ESR2: variants seen among roughly 807,000 people sequenced by gnomAD.
ESR2 encodes the protein estrogen receptor 2, also known as estrogen receptor beta.
In ESR2, 36 loss-of-function variants were observed where a neutral mutation model predicts 49.6. The ratio of observed to expected loss-of-function variants is 0.73; its 90% CI spans 0.56 to 0.96. ESR2 has a LOEUF of 0.96. ESR2 is among the 40% of genes least tolerant of loss of function. The pLI, the probability that ESR2 is intolerant of heterozygous loss-of-function variation, is 0.00. For synonymous variants in ESR2, 320 were observed against 266.1 expected (o/e 1.20, Z -1.97); for missense variants, 714 against 693.0 (o/e 1.03, Z -0.34).
chr14:64,253,560 TTGTGTGTGTG>T (rs752711685), intron 6 of ESR2, among the ~76,000 whole-genome samples: 5,097 of 136,622 alleles, frequency 0.037, 117 homozygotes, highest in Non-Finnish European at 0.049. Context: ...GGTACACTAT[TTGTGTGTGTG>T]TGTGTGTGTG....
intron 1 of ESR2, among the ~76,000 whole-genome samples, chr14:64,331,562 C>G (rs2077458856): frequency 1.3e-5 from 2 of 152,138 alleles, no homozygotes; most frequent in Non-Finnish European, 2.9e-5. Flanking sequence ...CCCAGTGGCT[C>G]ACGCTGGTAA....
In ESR2 at chr14:64,239,814, A is replaced by C. The variant is rs573806098; in HGVS notation, c.1226-4664T>G. Among the ~76,000 whole-genome samples the C allele has an allele frequency of 3.3e-5, 5 of 152,362 alleles. No homozygotes were observed. The East Asian group carries it at 5.8e-4, about 18-fold the overall frequency. ...CAAGTACCACACAACCTATATATGC[A>C]TAGTGGAAGAGGATTGGCTGAGAGA... On this transcript the variant is annotated intron_variant, in intron 7 of 8. Transcript: ENST00000341099.
intron 7 of ESR2, among the ~76,000 whole-genome samples, chr14:64,239,292 A>G (rs1342670339): frequency 1.3e-5 from 2 of 152,170 alleles, no homozygotes; most frequent in Non-Finnish European, 2.9e-5. Context: ...CCTCATCAGC[A>G]TCCATCTATG....
At chr14:64,259,266 AG>A (rs1334063694) in intron 5 of ESR2, among the ~76,000 whole-genome samples, 3 of 152,224 alleles carry the variant, frequency 2.0e-5, no homozygotes, top group Non-Finnish European at 2.9e-5. Context: ...GGCCAACAAA[AG>A]TCCCCAAATG....
chr14:64,255,539 T>G (rs568605142), intron 6 of ESR2, among the ~76,000 whole-genome samples: 1 of 152,256 alleles, frequency 6.6e-6, no homozygotes, highest in Admixed American at 6.5e-5. Context: ...TAGAATAAAG[T>G]AGAGAGTTAG....
At position 64,268,871 on chromosome 14, in the gene ESR2, T is replaced by C; in HGVS notation, c.576A>G (p.Thr192=). 1 of 1,613,524 alleles carries C rather than the reference T, an allele frequency of 6.2e-7. No homozygotes were observed. Among genetic ancestry groups the C allele is most frequent in the Non-Finnish European group, 8.5e-7 (1 of 1,179,376 alleles). Residue 192 remains threonine, a synonymous_variant, in exon 4 of 9, where the codon ACA becomes ACG. Transcript: ENST00000341099. ...DYICPATNQC[T]IDKNRRKSCQ... ...AGCTCTTGCGCCGGTTTTTATCGAT[T>C]GTACACTGATTTGTAGCTGGACAAA...
rs931345777 is a variant in ESR2 at position 64,228,375 on chromosome 14, G to A, written c.*4762C>T. 6.6e-6 allele frequency among the ~76,000 whole-genome samples: 1 copy of A among 152,178 alleles called. No homozygotes were observed. Among genetic ancestry groups the A allele is most frequent in the African/African-American group, 2.4e-5 (1 of 41,440 alleles). The stretch of plus-strand genomic sequence containing the variant: ...ATATCATGTTAAACTCTCTACGACA[G>A]TGCCATAGACATTAAAGGGACACAG... On this transcript the variant is annotated 3_prime_UTR_variant, in exon 9 of 9. Coordinates refer to ENST00000341099, the MANE Select transcript of ESR2 (RefSeq NM_001437.3).
chr14:64,332,359 G>T (rs1200740748), intron 1 of ESR2: 1 of 152,142 alleles, frequency 6.6e-6, no homozygotes, highest in Non-Finnish European at 1.5e-5. Context: ...GTATCAATTG[G>T]TCTAACGTAC....
In ESR2 at chr14:64,262,504, G is replaced by C. The variant is rs1192166874; in HGVS notation, c.653-1756C>G. Among the ~76,000 whole-genome samples the C allele has an allele frequency of 2.0e-5, 3 of 152,132 alleles. No individual in the cohort carries two copies. In the East Asian group the frequency reaches 5.8e-4, roughly 29 times the overall value. On this transcript the variant is annotated intron_variant, in intron 4 of 8. Transcript: ENST00000341099. ...AATCAGAGAGGAATGATTTTGGTTA[G>C]AATTTCTAAGATTCTTTTTTGGGAA... is the stretch of plus-strand genomic sequence containing the variant.
intron 6 of ESR2, 129 bp downstream of exon 6, chr14:64,257,097 G>T: frequency 1.2e-6 from 1 of 827,832 alleles, no homozygotes; most frequent in South Asian, 1.6e-5. Context: ...CAGTGAAGGA[G>T]CTGATGATGC....
At chr14:64,235,202 G>C in intron 7 of ESR2, 52 bp from the exon 8 acceptor site, 1 of 1,578,838 alleles carries the variant, frequency 6.3e-7, no homozygotes, top group South Asian at 1.1e-5. Flanking sequence ...AGGAGCAGAA[G>C]TCGTGTGCTC....
chr14:64,326,893 C>T (rs963203385), intron 1 of ESR2, among the ~76,000 whole-genome samples: 5 of 152,232 alleles, frequency 3.3e-5, no homozygotes, highest in African/African-American at 1.2e-4. Flanking sequence ...TCCCAGTCAA[C>T]CACGGTATAA....
chr14:64,233,463 T>C, intron 8 of ESR2, 140 bp from the exon 9 acceptor site: 2 of 749,664 alleles, frequency 2.7e-6, no homozygotes, highest in South Asian at 3.6e-5. Context: ...TATCCATGGC[T>C]CGTGCATCCA....
rs189424775 is a variant in ESR2, at chr14:64,268,164, T to C, written c.652+631A>G. Among the ~76,000 whole-genome samples, 370 of 152,360 alleles carry C rather than the reference T, an allele frequency of 2.4e-3. 1 individual carries two copies. Among genetic ancestry groups the C allele is most frequent in the Admixed American group, 5.9e-3 (91 of 15,310 alleles). Reference sequence around the variant, plus strand: ...TTTGTGCATAAAATATATGCGAATGTATGTGAGTGTACAAAATACATGTGA... The same window carrying C: ...TTTGTGCATAAAATATATGCGAATGCATGTGAGTGTACAAAATACATGTGA... On this transcript the variant is annotated intron_variant, in intron 4 of 8. Coordinates refer to ENST00000341099, the MANE Select transcript of ESR2 (RefSeq NM_001437.3).
intron 7 of ESR2, among the ~76,000 whole-genome samples, chr14:64,245,022 G>A (rs1241350170): frequency 6.6e-6 from 1 of 152,008 alleles, no homozygotes; most frequent in African/African-American, 2.4e-5. Context: ...ATTTTAAGGC[G>A]GGGAGGCAGA....
chr14:64,242,310 T>C (rs937658522), intron 7 of ESR2, among the ~76,000 whole-genome samples: 2 of 151,362 alleles, frequency 1.3e-5, no homozygotes, highest in African/African-American at 4.9e-5. Context: ...CTCAGGAGGT[T>C]GAGACAGAAT....
At chr14:64,238,176 T>G (rs1349869167) in intron 7 of ESR2, among the ~76,000 whole-genome samples, 1 of 152,096 alleles carries the variant, frequency 6.6e-6, no homozygotes, top group Non-Finnish European at 1.5e-5. Flanking sequence ...TATGTGTCAT[T>G]GTGTTACCCA....
chr14:64,240,345 A>G (rs1017906809), intron 7 of ESR2, among the ~76,000 whole-genome samples: 1 of 152,174 alleles, frequency 6.6e-6, no homozygotes, highest in Non-Finnish European at 1.5e-5. Context: ...CTATCCTAAC[A>G]TGGAATAGAG....
At chr14:64,242,631 C>G (rs568515461) in intron 7 of ESR2, among the ~76,000 whole-genome samples, 61 of 151,592 alleles carry the variant, frequency 4.0e-4, no homozygotes, top group African/African-American at 1.4e-3. Flanking sequence ...ATTTAGAGAA[C>G]TTTTGCTTAT....
Sources: allele counts gnomAD v4.1 joint callset (sites outside exome capture counted in the v4.1 genomes callset), GRCh38; gene constraint gnomAD v4.1.1; transcripts MANE v1.5; gene names NCBI Gene and HGNC (gene_info 2026-07-23, HGNC 2026-07-21).